Variants in TENM2 observed in about 807,000 individuals in gnomAD.
TENM2 encodes the protein teneurin-2.
Under a neutral mutation model 245.2 loss-of-function variants are expected in TENM2, and 52 were observed. The observed-to-expected ratio is 0.21, with a 90% CI of 0.17 to 0.27. TENM2 has a LOEUF of 0.27. TENM2 is among the 10% of genes least tolerant of loss of function. The probability of loss-of-function intolerance (pLI) is 1.00; values close to 1 mark genes in which losing one functional copy is unlikely to be tolerated. For synonymous variants in TENM2, 1,363 were observed against 1,438.9 expected (o/e 0.95, Z 1.19); for missense variants, 3,046 against 3,666.8 (o/e 0.83, Z 4.37).
intron 2 of TENM2, among the ~76,000 whole-genome samples, chr5:167,562,971 A>AG (rs1232690758): frequency 1.3e-5 from 2 of 150,794 alleles, no homozygotes; most frequent in East Asian, 1.9e-4. Context: ...AAAAAAAAAA[A>AG]AAAAGAAAAA....
chr5:167,286,608 G>A (rs530405470), intron 1 of TENM2, among the ~76,000 whole-genome samples: 5 of 152,172 alleles, frequency 3.3e-5, no homozygotes, highest in Non-Finnish European at 7.3e-5. Context: ...CACGTTCAAC[G>A]TGGTTCAAAG....
chr5:167,438,314 T>C (rs983662371), intron 2 of TENM2, among the ~76,000 whole-genome samples: 1 of 152,218 alleles, frequency 6.6e-6, no homozygotes, highest in East Asian at 1.9e-4. Flanking sequence ...TACTTTTCCA[T>C]GTTCAAAACC....
intron 10 of TENM2, among the ~76,000 whole-genome samples, chr5:168,120,922 G>A (rs1795425526): frequency 6.6e-6 from 1 of 152,190 alleles, no homozygotes; most frequent in South Asian, 2.1e-4. Flanking sequence ...AAAATGAAAG[G>A]ATGTATTCGT....
the TENM2 span, among the ~76,000 whole-genome samples, chr5:167,079,270 T>TAC: frequency 1.6e-3 from 237 of 146,222 alleles, 1 homozygote; most frequent in Non-Finnish European, 1.7e-3. Flanking sequence ...TATATATATA[T>TAC]ACACACACAC....
At chr5:167,552,257 A>T (rs1011996844) in intron 2 of TENM2, among the ~76,000 whole-genome samples, 1 of 152,148 alleles carries the variant, frequency 6.6e-6, no homozygotes, top group South Asian at 2.1e-4. Flanking sequence ...AAGCTGCATA[A>T]ATATACTCAG....
chr5:167,818,820 C>T (rs186663838), intron 2 of TENM2, among the ~76,000 whole-genome samples: 7 of 152,168 alleles, frequency 4.6e-5, no homozygotes, highest in African/African-American at 7.2e-5. Context: ...AAAATTACAA[C>T]GCGGGTTGAA....
chr5:167,582,104 A>G (rs1363340204), intron 2 of TENM2, among the ~76,000 whole-genome samples: 1 of 152,132 alleles, frequency 6.6e-6, no homozygotes, highest in Non-Finnish European at 1.5e-5. Context: ...CTTTATGGAA[A>G]AACCAGGCTA....
In TENM2 at chr5:167,391,800, T is replaced by G. The variant is rs114355597; in HGVS notation, c.502+16327T>G. Reference sequence around the variant, plus strand: ...AAAGGCAATGTGGATAATTGTGTAATTATTAAGACTGGAACCTAGGAAAAA... The same window carrying G: ...AAAGGCAATGTGGATAATTGTGTAAGTATTAAGACTGGAACCTAGGAAAAA... On this transcript the variant is annotated intron_variant, in intron 2 of 28. Transcript: ENST00000518659. Among the ~76,000 whole-genome samples, 348 of 152,186 alleles carry G rather than the reference T, an allele frequency of 2.3e-3. 1 individual carries two copies. The highest frequency in any genetic ancestry group is 8.1e-3 in the African/African-American group (337 of 41,524).
Position 167,827,632 on chromosome 5 carries a change from G to GA in TENM2, c.503-48354_503-48353insA, listed in dbSNP as rs1554126492. The stretch of plus-strand genomic sequence containing the variant: ...TATGGCAAGGAGCTAGGTGGGCGGG[G>GA]GGGGGGGAACAGTTTAATGAGCGTG... On this transcript the variant is annotated intron_variant, in intron 2 of 28. Transcript: ENST00000518659. 1.1e-3 allele frequency among the ~76,000 whole-genome samples: 139 copies of GA among 123,122 alleles called. 14 individuals are homozygous for GA. Among genetic ancestry groups the GA allele is most frequent in the Admixed American group, 1.5e-3 (18 of 12,300 alleles). The allele number at this position is 123,122 out of a possible 152,430, so 80.8% of individuals were successfully genotyped here.
intron 2 of TENM2, among the ~76,000 whole-genome samples, chr5:167,562,149 G>T (rs999962062): frequency 1.3e-5 from 2 of 152,186 alleles, no homozygotes; most frequent in Admixed American, 6.5e-5. Flanking sequence ...CCATCCATCA[G>T]CAGGAGCGTG....
intron 2 of TENM2, among the ~76,000 whole-genome samples, chr5:167,467,128 C>A (rs925537064): frequency 2.6e-5 from 4 of 152,130 alleles, no homozygotes; most frequent in Non-Finnish European, 5.9e-5. Flanking sequence ...TCTCCATAAT[C>A]CCCAAGTGTT....
chr5:168,016,434 G>C (rs994213894), intron 5 of TENM2, among the ~76,000 whole-genome samples: 1 of 152,212 alleles, frequency 6.6e-6, no homozygotes, highest in African/African-American at 2.4e-5. Flanking sequence ...ACATTTCAAG[G>C]AGCATTCATT....
chr5:168,043,405 G>C (rs1432820), intron 5 of TENM2, among the ~76,000 whole-genome samples: 26,000 of 152,066 alleles, frequency 0.17, 2,627 homozygotes, highest in East Asian at 0.28. Context: ...TCTAAGTCTG[G>C]TTCTGAGAGT....
intron 2 of TENM2, among the ~76,000 whole-genome samples, chr5:167,818,824 G>T (rs896471654): frequency 6.6e-6 from 1 of 152,130 alleles, no homozygotes; most frequent in African/African-American, 2.4e-5. Context: ...TTACAACGCG[G>T]GTTGAATTCC....
chr5:168,055,001 A>AG (rs1382822810), intron 6 of TENM2, among the ~76,000 whole-genome samples: 1 of 152,160 alleles, frequency 6.6e-6, no homozygotes, highest in African/African-American at 2.4e-5. Flanking sequence ...TTGCCATGGA[A>AG]GCCCCAACTC....
intron 2 of TENM2, among the ~76,000 whole-genome samples, chr5:167,566,003 C>CT (rs763771220): frequency 5.9e-5 from 9 of 151,932 alleles, no homozygotes; most frequent in Admixed American, 2.6e-4. Context: ...AAAATCACCA[C>CT]TTTTTTGTGT....
intron 1 of TENM2, among the ~76,000 whole-genome samples, chr5:167,293,060 C>T (rs112938030): frequency 3.3e-5 from 5 of 152,154 alleles, no homozygotes; most frequent in African/African-American, 1.2e-4. Flanking sequence ...GGAGACAGTG[C>T]TGGTTTCAGC....
At chr5:167,248,297 A>G in the TENM2 span, among the ~76,000 whole-genome samples, 5 of 152,086 alleles carry the variant, frequency 3.3e-5, no homozygotes, top group East Asian at 7.7e-4. Flanking sequence ...ATGTTTTTGT[A>G]TTATGTGAAC....
chr5:167,502,168 G>A (rs1274803868), intron 2 of TENM2, among the ~76,000 whole-genome samples: 2 of 152,050 alleles, frequency 1.3e-5, no homozygotes, highest in East Asian at 1.9e-4. Flanking sequence ...GATAGAGTTT[G>A]TGATAACAAT....
Sources: gnomAD v4.1 joint callset for allele counts (sites outside exome capture counted in the v4.1 genomes callset) on GRCh38, gnomAD v4.1.1 for gene constraint, MANE v1.5 for transcripts, NCBI Gene and HGNC (gene_info 2026-07-23, HGNC 2026-07-21) for gene names.